LRRC2: variants seen among roughly 807,000 people sequenced by gnomAD.
The protein encoded by LRRC2 is leucine rich repeat containing 2.
A neutral mutation model predicts 40.2 loss-of-function variants in LRRC2; 27 were observed. That is an observed-to-expected ratio of 0.67 (90% confidence interval 0.49 to 0.93). The LOEUF is 0.93. Ranked by LOEUF, LRRC2 falls within the 40% of genes least tolerant of loss-of-function variation. LRRC2 has a pLI of 0.00. For missense variants in LRRC2, 402 were observed against 439.6 expected, an observed-to-expected ratio of 0.91 and a Z score of 0.76; for synonymous variants, 147 against 158.9, an observed-to-expected ratio of 0.92 and a Z score of 0.56.
chr3:46,561,423 T>C lies in LRRC2; in HGVS notation c.-20+4754A>G, dbSNP rs757897527. On this transcript the variant is annotated intron_variant, in intron 1 of 8. Transcript: ENST00000395905. Reference sequence around the variant, plus strand: ...TAAATAAAATAGCTGGGTGGTGGCATGCATCTGTGGTCCCAGCTACTAAGG... The same window carrying C: ...TAAATAAAATAGCTGGGTGGTGGCACGCATCTGTGGTCCCAGCTACTAAGG... Among the ~76,000 whole-genome samples the C allele has an allele frequency of 5.1e-4, 77 of 152,068 alleles. 1 individual carries two copies. The highest frequency in any genetic ancestry group is 3.2e-3 in the Middle Eastern group (1 of 314).
Position 46,541,099 on chromosome 3 carries a change from C to T in LRRC2, c.334-1898G>A, listed in dbSNP as rs546904037. On this transcript the variant is annotated intron_variant, in intron 3 of 8. Coordinates refer to ENST00000395905, the MANE Select transcript of LRRC2 (RefSeq NM_024512.5). ...CTGTAATCCCAGCACTTTGGGAGGC[C>T]GAGGCGGGCAGATCACGAGGTCAGG... 1.5e-3 allele frequency among the ~76,000 whole-genome samples: 233 copies of T among 152,078 alleles called. 1 individual carries two copies. The highest frequency in any genetic ancestry group is 2.7e-3 in the Admixed American group (42 of 15,276).
Position 46,518,759 on chromosome 3 carries a change from T to G in LRRC2, c.*255A>C. 1 of 404,944 alleles carries G rather than the reference T, an allele frequency of 2.5e-6. No homozygotes were observed. The highest frequency in any genetic ancestry group is 4.2e-5 in the Admixed American group (1 of 24,046). The allele number at this position is 404,944 out of a possible 1,614,324, so 25.1% of individuals were successfully genotyped here. A position where few individuals can be genotyped will look rare whatever the true frequency, so the allele number is the denominator to read the frequency against. On this transcript the variant is annotated 3_prime_UTR_variant, in exon 9 of 9. Coordinates refer to ENST00000395905, the MANE Select transcript of LRRC2 (RefSeq NM_024512.5). ...ATAAGACATTTTAAAACATATTAAA[T>G]GTGCATTATTTGGAAAAAAGTATAT...
chr3:46,538,768 G>C (rs1484481367), intron 4 of LRRC2, among the ~76,000 whole-genome samples: 1 of 152,218 alleles, frequency 6.6e-6, no homozygotes, highest in African/African-American at 2.4e-5. Context: ...AATAAACACA[G>C]AGTTCCTAAA....
At chr3:46,523,404 T>C (rs889895196) in intron 7 of LRRC2, among the ~76,000 whole-genome samples, 1 of 152,200 alleles carries the variant, frequency 6.6e-6, no homozygotes, top group Admixed American at 6.5e-5. Context: ...AAATACCTTT[T>C]ACCTTAGGAC....
intron 4 of LRRC2, among the ~76,000 whole-genome samples, chr3:46,533,118 G>A (rs1040716056): frequency 6.6e-6 from 1 of 152,198 alleles, no homozygotes; most frequent in African/African-American, 2.4e-5. Context: ...GAGTTTTTCA[G>A]TGTGATAAGC....
At chr3:46,562,597 A>G (rs1704968892) in intron 1 of LRRC2, among the ~76,000 whole-genome samples, 1 of 152,150 alleles carries the variant, frequency 6.6e-6, no homozygotes, top group Admixed American at 6.5e-5. Flanking sequence ...ATGCACTTGG[A>G]TGTCTCACAC....
intron 1 of LRRC2, chr3:46,557,353 C>T (rs1704827826): frequency 6.6e-6 from 1 of 152,226 alleles, no homozygotes; most frequent in Non-Finnish European, 1.5e-5. Flanking sequence ...TTTTCCTTTA[C>T]CTACCCAAAT....
At chr3:46,537,907 T>G (rs766713848) in intron 4 of LRRC2, among the ~76,000 whole-genome samples, 2 of 152,238 alleles carry the variant, frequency 1.3e-5, no homozygotes, top group Non-Finnish European at 2.9e-5. Flanking sequence ...TATGCACATA[T>G]ACATCACAGC....
chr3:46,526,983 A>G (rs1384371198), intron 7 of LRRC2, among the ~76,000 whole-genome samples: 1 of 152,208 alleles, frequency 6.6e-6, no homozygotes, highest in East Asian at 1.9e-4. Context: ...TTCCACTTCC[A>G]CATCCCCAGA....
rs1703868704 is a variant in LRRC2, at chr3:46,516,721, A to G, written c.*2293T>C. The stretch of plus-strand genomic sequence containing the variant: ...CGGTGCTTAGGTTGTTGCTGGAAAC[A>G]CTGAAAGATCAGCCGTGTTGCTAAA... On this transcript the variant is annotated 3_prime_UTR_variant, in exon 9 of 9. Transcript: ENST00000395905. 1 of 152,238 alleles carries G rather than the reference A, an allele frequency of 6.6e-6. No homozygotes were observed. Among genetic ancestry groups the G allele is most frequent in the Non-Finnish European group, 1.5e-5 (1 of 68,080 alleles). The allele number at this position is 152,238 out of a possible 1,614,324, so 9.4% of individuals were successfully genotyped here. A position where few individuals can be genotyped will look rare whatever the true frequency, so the allele number is the denominator to read the frequency against.
intron 1 of LRRC2, among the ~76,000 whole-genome samples, chr3:46,552,221 C>A (rs976979430): frequency 6.6e-6 from 1 of 151,980 alleles, no homozygotes; most frequent in Non-Finnish European, 1.5e-5. Context: ...AGTATATGTA[C>A]CTAATATTCC....
chr3:46,533,327 G>C (rs1704193895), intron 4 of LRRC2, among the ~76,000 whole-genome samples: 1 of 152,158 alleles, frequency 6.6e-6, no homozygotes, highest in East Asian at 1.9e-4. Flanking sequence ...ATTGCAACTG[G>C]AGCACAGTGT....
At chr3:46,564,826 G>T (rs2107069633) in intron 1 of LRRC2, among the ~76,000 whole-genome samples, 1 of 152,276 alleles carries the variant, frequency 6.6e-6, no homozygotes, top group South Asian at 2.1e-4. Context: ...TCAATGTAAG[G>T]AAAACCTCTA....
In LRRC2 at chr3:46,518,787, A is replaced by G. The variant is rs965240559; in HGVS notation, c.*227T>C. 1 of 446,210 alleles carries G rather than the reference A, an allele frequency of 2.2e-6. No individual in the cohort carries two copies. The highest frequency in any genetic ancestry group is 3.9e-5 in the Admixed American group (1 of 25,666). The allele number at this position is 446,210 out of a possible 1,614,324, so 27.6% of individuals were successfully genotyped here. On this transcript the variant is annotated 3_prime_UTR_variant, in exon 9 of 9. Coordinates refer to ENST00000395905, the MANE Select transcript of LRRC2 (RefSeq NM_024512.5). ...GCATTATTTGGAAAAAAGTATATGC[A>G]AATGAACCTGGAAATATCAATATAC...
At chr3:46,547,823 T>A (rs927299432) in intron 2 of LRRC2, among the ~76,000 whole-genome samples, 1 of 152,088 alleles carries the variant, frequency 6.6e-6, no homozygotes, top group African/African-American at 2.4e-5. Context: ...GGCTTGGAAT[T>A]GTTGCTTTTC....
chr3:46,518,364 CTTT>C lies in LRRC2; in HGVS notation c.*647_*649del, dbSNP rs1256014285. 3.5e-5 allele frequency: 5 copies of C among 141,384 alleles called. No homozygotes were observed. The highest frequency in any genetic ancestry group is 1.6e-5 in the Non-Finnish European group (1 of 64,490). The allele number at this position is 141,384 out of a possible 1,614,324, so 8.8% of individuals were successfully genotyped here. A position where few individuals can be genotyped will look rare whatever the true frequency, so the allele number is the denominator to read the frequency against. ...CACAATCCCTTTATCTTTTTCTTTTCTTTTTTTTTTTTTTTGAGACAGAGTCTG... is the reference window on the plus strand; with the variant it reads ...CACAATCCCTTTATCTTTTTCTTTTCTTTTTTTTTTTTGAGACAGAGTCTG... On this transcript the variant is annotated 3_prime_UTR_variant, in exon 9 of 9. Transcript: ENST00000395905.
intron 6 of LRRC2, among the ~76,000 whole-genome samples, chr3:46,529,309 G>A (rs1268658172): frequency 6.6e-6 from 1 of 152,120 alleles, no homozygotes; most frequent in Non-Finnish European, 1.5e-5. Flanking sequence ...AGGCACAGTG[G>A]CTCATGCCTG....
chr3:46,552,602 C>T (rs563331274), intron 1 of LRRC2, among the ~76,000 whole-genome samples: 2 of 152,236 alleles, frequency 1.3e-5, no homozygotes, highest in East Asian at 1.9e-4. Context: ...TTCCTCAGTC[C>T]GGCTGACCTA....
intron 3 of LRRC2, among the ~76,000 whole-genome samples, chr3:46,542,394 G>A (rs1704413981): frequency 6.6e-6 from 1 of 151,964 alleles, no homozygotes; most frequent in Non-Finnish European, 1.5e-5. Flanking sequence ...CTACAGAGAA[G>A]GCTAAGGTGG....
Sources: gnomAD v4.1 joint callset for allele counts (sites outside exome capture counted in the v4.1 genomes callset) on GRCh38, gnomAD v4.1.1 for gene constraint, MANE v1.5 for transcripts, NCBI Gene and HGNC (gene_info 2026-07-23, HGNC 2026-07-21) for gene names.